DOCK3: variants seen among roughly 807,000 people sequenced by gnomAD.
DOCK3 encodes dedicator of cytokinesis 3.
DOCK3 carries 60 observed loss-of-function variants against 265.6 expected under a neutral mutation model. The observed-to-expected ratio is 0.23, with a 90% CI of 0.18 to 0.28. DOCK3 has a LOEUF of 0.28. DOCK3 is among the 10% of genes least tolerant of loss of function. The probability of loss-of-function intolerance (pLI) is 1.00; values close to 1 mark genes in which losing one functional copy is unlikely to be tolerated. For synonymous variants in DOCK3, 881 were observed against 938.0 expected (o/e 0.94, Z 1.11); for missense variants, 1,981 against 2,594.3 (o/e 0.76, Z 5.14).
At chr3:51,265,188 T>C (rs994714810) in intron 23 of DOCK3, among the ~76,000 whole-genome samples, 10 of 152,094 alleles carry the variant, frequency 6.6e-5, no homozygotes, top group Middle Eastern at 3.4e-3. Context: ...AATAATAAGA[T>C]CTGAAATTGA....
intron 14 of DOCK3, among the ~76,000 whole-genome samples, chr3:51,224,270 A>G (rs2090230501): frequency 6.6e-6 from 1 of 152,206 alleles, no homozygotes. Context: ...TTATGCAACC[A>G]AATAACCATG....
intron 51 of DOCK3, 67 bp downstream of exon 51, chr3:51,375,902 G>A: frequency 6.4e-7 from 1 of 1,554,138 alleles, no homozygotes. Context: ...TCTTGTCCCT[G>A]AGTACCAGCT....
intron 4 of DOCK3, among the ~76,000 whole-genome samples, chr3:50,896,884 A>G (rs34972378): frequency 0.094 from 14,361 of 152,154 alleles, 838 homozygotes; most frequent in Non-Finnish European, 0.12. Context: ...TGTTTTGGTT[A>G]ATGTAGCCTT....
At chr3:51,109,830 G>A (rs537676932) in intron 9 of DOCK3, among the ~76,000 whole-genome samples, 8 of 152,076 alleles carry the variant, frequency 5.3e-5, no homozygotes, top group Admixed American at 1.3e-4. Context: ...CTACTCGTGA[G>A]GCCAAAGTGG....
At chr3:50,808,541 C>T (rs529331719) in intron 2 of DOCK3, among the ~76,000 whole-genome samples, 6 of 152,284 alleles carry the variant, frequency 3.9e-5, no homozygotes, top group Non-Finnish European at 8.8e-5. Context: ...GAGAGCCACA[C>T]CTATGGGCTA....
chr3:50,767,562 A>G (rs2108444085), intron 1 of DOCK3, among the ~76,000 whole-genome samples: 1 of 152,226 alleles, frequency 6.6e-6, no homozygotes, highest in Admixed American at 6.5e-5. Context: ...TGATGCTTCC[A>G]GCTTTGTTCT....
chr3:51,159,105 A>C (rs2086004417), intron 10 of DOCK3, 139 bp from the exon 11 acceptor site: 3 of 632,700 alleles, frequency 4.7e-6, no homozygotes, highest in Non-Finnish European at 5.3e-6. Flanking sequence ...CATCTTATAA[A>C]CCATTAAAGT....
At chr3:51,230,222 A>C (rs1025358372) in intron 19 of DOCK3, among the ~76,000 whole-genome samples, 4 of 152,184 alleles carry the variant, frequency 2.6e-5, no homozygotes, top group African/African-American at 4.8e-5. Context: ...TGATCTGATC[A>C]CTGAGGTAGT....
At chr3:51,254,527 C>T (rs1391892680) in intron 22 of DOCK3, among the ~76,000 whole-genome samples, 4 of 152,168 alleles carry the variant, frequency 2.6e-5, no homozygotes, top group Non-Finnish European at 5.9e-5. Flanking sequence ...TCTCTAAGGA[C>T]TTGCTTTATG....
In DOCK3 at chr3:51,358,050, C is replaced by T. The variant is rs758252356; in HGVS notation, c.4857C>T (p.Phe1619=). The T allele has an allele frequency of 6.2e-7, 1 of 1,613,966 alleles. No individual in the cohort carries two copies. The highest frequency in any genetic ancestry group is 1.1e-5 in the South Asian group (1 of 91,084). Residue 1619 remains phenylalanine, a synonymous_variant, in exon 46 of 53, where the codon TTC becomes TTT. Transcript: ENST00000266037. ...RPLHKKLIDQ[F]QMMRASLYHE... Reference sequence around the variant, plus strand: ...TGCATAAGAAGCTAATTGATCAGTTCCAGATGATGCGGGCCAGTCTCTACC... The same window carrying T: ...TGCATAAGAAGCTAATTGATCAGTTTCAGATGATGCGGGCCAGTCTCTACC...
intron 4 of DOCK3, among the ~76,000 whole-genome samples, chr3:50,921,815 G>A (rs538371820): frequency 1.3e-5 from 2 of 152,272 alleles, no homozygotes; most frequent in Admixed American, 1.3e-4. Flanking sequence ...GTTTGCTGGA[G>A]GTCCACTCCA....
chr3:50,925,964 T>C (rs1459638970), intron 4 of DOCK3, among the ~76,000 whole-genome samples: 3 of 151,572 alleles, frequency 2.0e-5, no homozygotes, highest in African/African-American at 7.3e-5. Flanking sequence ...CCTGAGTAGC[T>C]GGGATTACAA....
At chr3:51,271,895 C>A (rs1400956167) in intron 24 of DOCK3, among the ~76,000 whole-genome samples, 2 of 151,384 alleles carry the variant, frequency 1.3e-5, no homozygotes, top group Admixed American at 6.6e-5. Context: ...CCCTGAGGAC[C>A]CTGTGCTTTC....
chr3:51,084,155 T>TA (rs1364095567), intron 7 of DOCK3, among the ~76,000 whole-genome samples: 1 of 152,052 alleles, frequency 6.6e-6, no homozygotes, highest in African/African-American at 2.4e-5. Flanking sequence ...TGGGCAAAGA[T>TA]ATAGAAAACC....
At chr3:51,011,111 T>A (rs1308861250) in intron 5 of DOCK3, among the ~76,000 whole-genome samples, 2 of 152,164 alleles carry the variant, frequency 1.3e-5, no homozygotes, top group African/African-American at 4.8e-5. Context: ...GAGTTGCTCT[T>A]CTCGAGGAGT....
intron 9 of DOCK3, among the ~76,000 whole-genome samples, chr3:51,139,157 T>C (rs1157574764): frequency 1.3e-5 from 2 of 151,862 alleles, no homozygotes; most frequent in Non-Finnish European, 2.9e-5. Flanking sequence ...GGCACATATA[T>C]AAGAAGTTTT....
chr3:51,223,372 A>G (rs2090187388), intron 14 of DOCK3, among the ~76,000 whole-genome samples: 1 of 152,178 alleles, frequency 6.6e-6, no homozygotes, highest in African/African-American at 2.4e-5. Context: ...TATAACCTAG[A>G]ATAATATTGC....
intron 4 of DOCK3, among the ~76,000 whole-genome samples, chr3:50,928,194 A>G (rs2050870637): frequency 6.6e-6 from 1 of 151,068 alleles, no homozygotes; most frequent in Non-Finnish European, 1.5e-5. Context: ...TGTACAATCC[A>G]GTGGCATCAA....
chr3:51,225,890 T>C, intron 15 of DOCK3, 117 bp downstream of exon 15: 2 of 1,327,342 alleles, frequency 1.5e-6, no homozygotes, highest in South Asian at 3.2e-5. Context: ...ATCAGCCTTT[T>C]TCTCTGCCTT....
Sources: gnomAD v4.1 joint callset for allele counts (sites outside exome capture counted in the v4.1 genomes callset) on GRCh38, gnomAD v4.1.1 for gene constraint, MANE v1.5 for transcripts, NCBI Gene and HGNC (gene_info 2026-07-23, HGNC 2026-07-21) for gene names.